NHERF2: variants seen among roughly 807,000 people sequenced by gnomAD.
The protein encoded by NHERF2 is Na(+)/H(+) exchange regulatory cofactor NHE-RF2.
chr16:2,028,218 G>T, the NHERF2 span, among the ~76,000 whole-genome samples: 1 of 152,368 alleles, frequency 6.6e-6, no homozygotes, highest in African/African-American at 2.4e-5. Context: ...TGGACCTGGA[G>T]CTGGTCTCCT....
At chr16:2,031,175 T>G in the NHERF2 span, among the ~76,000 whole-genome samples, 1 of 152,114 alleles carries the variant, frequency 6.6e-6, no homozygotes, top group Non-Finnish European at 1.5e-5. Flanking sequence ...GCATTCCCTG[T>G]GGGGAGCCCA....
the NHERF2 span, chr16:2,026,972 CCTG>C: frequency 1.0e-6 from 1 of 966,066 alleles, no homozygotes; most frequent in African/African-American, 1.8e-5. Context: ...CCCCCGCGCC[CCTG>C]CCCGCGGGCG....
chr16:2,038,144 A>G, the NHERF2 span: 3 of 850,072 alleles, frequency 3.5e-6, no homozygotes, highest in Non-Finnish European at 5.4e-6. Context: ...GCCCCTGCCC[A>G]CCAGGTACTG....
chr16:2,027,128 C>T, the NHERF2 span: 7 of 1,471,966 alleles, frequency 4.8e-6, no homozygotes, highest in Non-Finnish European at 6.3e-6. Context: ...GCGTGGAACC[C>T]GGTTCCCCCG....
At chr16:2,035,385 C>A in the NHERF2 span, 1 of 985,766 alleles carries the variant, frequency 1.0e-6, no homozygotes, top group Non-Finnish European at 1.2e-6. Context: ...TGCCATGCCG[C>A]CCCAGCCCTG....
chr16:2,035,599 G>A, the NHERF2 span: 23 of 986,526 alleles, frequency 2.3e-5, no homozygotes, highest in South Asian at 3.7e-4. Flanking sequence ...CACCGCCGCC[G>A]CACCCTGGCC....
chr16:2,033,144 G>T, the NHERF2 span: 7 of 1,413,008 alleles, frequency 5.0e-6, no homozygotes, highest in African/African-American at 1.4e-5. Context: ...CTAGCTGGGT[G>T]GGGGGCGCCA....
chr16:2,038,179 GGAGAGAGACCCAGAGATGT>G, the NHERF2 span: 1 of 624,316 alleles, frequency 1.6e-6, no homozygotes, highest in Admixed American at 2.9e-5. Flanking sequence ...CAAGATAGGG[GGAGAGAGACCCAGAGATGT>G]GAGAGAGAGT....
chr16:2,035,166 C>G, the NHERF2 span, among the ~76,000 whole-genome samples: 1 of 152,056 alleles, frequency 6.6e-6, no homozygotes, highest in African/African-American at 2.4e-5. Flanking sequence ...GAAGGGTGTT[C>G]CAGACCAAGG....
the NHERF2 span, chr16:2,038,136 C>T: frequency 2.6e-5 from 24 of 933,220 alleles, no homozygotes; most frequent in Non-Finnish European, 3.7e-5. Context: ...CCCATCCTGC[C>T]CCTGCCCACC....
At chr16:2,037,722 G>A in the NHERF2 span, 3 of 1,550,726 alleles carry the variant, frequency 1.9e-6, no homozygotes, top group Non-Finnish European at 2.6e-6. Flanking sequence ...GTGAGCCCCA[G>A]CCCCAGCAGG....
chr16:2,038,786 C>T, the NHERF2 span: 1 of 162,188 alleles, frequency 6.2e-6, no homozygotes, highest in Non-Finnish European at 1.3e-5. Flanking sequence ...GGACAGGCCC[C>T]TCATTCCGCG....
the NHERF2 span, among the ~76,000 whole-genome samples, chr16:2,031,438 A>G: frequency 3.9e-5 from 6 of 152,074 alleles, no homozygotes. Flanking sequence ...ATTGATTTGG[A>G]CACAAACGCA....
At chr16:2,035,321 G>C in the NHERF2 span, 19 of 847,302 alleles carry the variant, frequency 2.2e-5, no homozygotes, top group African/African-American at 3.5e-4. Context: ...GGCTGGAGGG[G>C]TTGGGGGTGT....
At chr16:2,036,714 G>A in the NHERF2 span, 5 of 1,609,984 alleles carry the variant, frequency 3.1e-6, no homozygotes, top group Non-Finnish European at 4.2e-6. Flanking sequence ...GCTGATACAT[G>A]CTGGTGGCGG....
At chr16:2,026,956 C>G in the NHERF2 span, 2 of 821,658 alleles carry the variant, frequency 2.4e-6, no homozygotes, top group Non-Finnish European at 2.9e-6. Flanking sequence ...CCGCCGCCCC[C>G]GAGCTCCCCC....
the NHERF2 span, among the ~76,000 whole-genome samples, chr16:2,028,601 G>A: frequency 6.6e-6 from 1 of 152,188 alleles, no homozygotes; most frequent in Non-Finnish European, 1.5e-5. Context: ...TCAAGAAGCA[G>A]CTGGGCACTG....
the NHERF2 span, chr16:2,035,673 C>T: frequency 4.1e-6 from 4 of 985,634 alleles, no homozygotes; most frequent in East Asian, 1.1e-4. Flanking sequence ...TGGCCCAGAG[C>T]CCTACCGCAG....
the NHERF2 span, among the ~76,000 whole-genome samples, chr16:2,032,275 CT>C: frequency 6.6e-6 from 1 of 152,220 alleles, no homozygotes; most frequent in Non-Finnish European, 1.5e-5. This position sits in a 1 kb window ranked among gnomAD's most constrained non-coding sequence, Gnocchi z 4.0. Context: ...CTGCCTCAGC[CT>C]CCCAAAGTGC....
Sources: allele counts gnomAD v4.1 joint callset (sites outside exome capture counted in the v4.1 genomes callset), GRCh38; gene constraint gnomAD v4.1.1; non-coding constraint Gnocchi (gnomAD v3.1); transcripts MANE v1.5; gene names NCBI Gene and HGNC (gene_info 2026-07-23, HGNC 2026-07-21).